IGSF10: variants seen among roughly 807,000 people sequenced by gnomAD.
The protein encoded by IGSF10 is calvaria mechanical force protein 608.
Under a neutral mutation model 128.2 loss-of-function variants are expected in IGSF10, and 126 were observed. The observed-to-expected ratio is 0.98, with a 90% confidence interval of 0.85 to 1.14. IGSF10 has a LOEUF of 1.14. IGSF10 is among the 50% of genes most tolerant of loss of function. The pLI, the probability that IGSF10 is intolerant of heterozygous loss-of-function variation, is 0.00. For missense variants in IGSF10, 3,295 were observed against 3,149.8 expected (o/e 1.05, Z -1.10); for synonymous variants, 1,185 against 1,146.2 (o/e 1.03, Z -0.68).
the IGSF10 span, among the ~76,000 whole-genome samples, chr3:151,526,195 T>C: frequency 5.9e-5 from 9 of 152,214 alleles, no homozygotes; most frequent in African/African-American, 1.7e-4. Context: ...AGTGAAGGTT[T>C]AGAAGAGGAA....
the IGSF10 span, among the ~76,000 whole-genome samples, chr3:151,614,588 G>A: frequency 0.32 from 49,139 of 151,428 alleles, 8,508 homozygotes; most frequent in East Asian, 0.64. Flanking sequence ...ACCAAACACC[G>A]CATGCTGTCA....
At chr3:151,519,626 G>T in the IGSF10 span, among the ~76,000 whole-genome samples, 1 of 151,802 alleles carries the variant, frequency 6.6e-6, no homozygotes, top group Non-Finnish European at 1.5e-5. Flanking sequence ...GCTGCCTGCA[G>T]AATGATAACT....
At chr3:151,562,740 C>T in the IGSF10 span, among the ~76,000 whole-genome samples, 1 of 152,034 alleles carries the variant, frequency 6.6e-6, no homozygotes. Context: ...TGGTGCCAGA[C>T]CCCTATTGAC....
the IGSF10 span, among the ~76,000 whole-genome samples, chr3:151,481,613 G>A: frequency 1.3e-5 from 2 of 152,114 alleles, no homozygotes; most frequent in Non-Finnish European, 2.9e-5. Flanking sequence ...GCATTCACTT[G>A]TGCCTCAGAA....
the IGSF10 span, among the ~76,000 whole-genome samples, chr3:151,609,242 G>A: frequency 6.6e-6 from 1 of 152,112 alleles, no homozygotes; most frequent in Admixed American, 6.5e-5. Flanking sequence ...CAGGAAGGAG[G>A]TCAGCATATC....
chr3:151,462,232 G>T (rs1286953509), upstream of IGSF10, among the ~76,000 whole-genome samples: 1 of 152,140 alleles, frequency 6.6e-6, no homozygotes, highest in Non-Finnish European at 1.5e-5. Context: ...AATTTGCAAT[G>T]AATGTTTTAG....
In IGSF10 at chr3:151,443,042, G is replaced by A. The variant is rs1227027161; in HGVS notation, c.5905C>T (p.Pro1969Ser). The change falls in exon 7 of 8, where the codon CCC becomes TCC. Residue 1969 changes from proline to serine, a missense_variant. Pro to Ser is a moderately conservative substitution (Grantham distance 74, BLOSUM62 -1). Coordinates refer to ENST00000282466, the MANE Select transcript of IGSF10 (RefSeq NM_178822.5). ...AACCTCCACATTATTTGGGGTTTGG[G>A]CTCCCCAGTGGCTGAGCAGTTCAGT... ...LLLNCSATGEPKPQIMWRLPS... is the reference protein window; with the variant it reads ...LLLNCSATGESKPQIMWRLPS... 6.2e-7 allele frequency: 1 copy of A among 1,614,066 alleles called. No individual in the cohort carries two copies. Among genetic ancestry groups the A allele is most frequent in the Admixed American group, 1.7e-5 (1 of 60,012 alleles).
chr3:151,438,861 T>G (rs908424969), intron 7 of IGSF10, among the ~76,000 whole-genome samples: 22 of 108,252 alleles, frequency 2.0e-4, no homozygotes, highest in Non-Finnish European at 4.7e-4. Flanking sequence ...GGTATATATA[T>G]ATATAGAGAG....
At chr3:151,544,069 C>T in the IGSF10 span, among the ~76,000 whole-genome samples, 1 of 152,212 alleles carries the variant, frequency 6.6e-6, no homozygotes, top group Non-Finnish European at 1.5e-5. Context: ...GCCACCACGC[C>T]TGGCTAATTT....
downstream of IGSF10, chr3:151,432,922 T>A: frequency 1.4e-6 from 1 of 719,174 alleles, no homozygotes; most frequent in South Asian, 2.2e-5. Flanking sequence ...CATTTTACTA[T>A]ATTTTATGCT....
upstream of IGSF10, chr3:151,461,446 T>A: frequency 1.0e-6 from 1 of 982,952 alleles, no homozygotes; most frequent in Non-Finnish European, 1.2e-6. Flanking sequence ...GTCAATGTTT[T>A]ATTTAAACCC....
chr3:151,481,144 G>T, the IGSF10 span, among the ~76,000 whole-genome samples: 1 of 152,144 alleles, frequency 6.6e-6, no homozygotes, highest in Non-Finnish European at 1.5e-5. Flanking sequence ...TCACGTAGCT[G>T]CACTTTCTGG....
downstream of IGSF10, chr3:151,434,956 G>C (rs553400887): frequency 6.6e-5 from 10 of 151,706 alleles, no homozygotes; most frequent in Admixed American, 3.9e-4. Flanking sequence ...CGATTCTATT[G>C]AAAGTTGAGG....
the IGSF10 span, among the ~76,000 whole-genome samples, chr3:151,490,718 AG>A: frequency 2.6e-5 from 4 of 152,182 alleles, no homozygotes; most frequent in Non-Finnish European, 5.9e-5. Flanking sequence ...ATAAATAACA[AG>A]AAGAATCTTG....
the IGSF10 span, among the ~76,000 whole-genome samples, chr3:151,576,514 A>G: frequency 6.6e-6 from 1 of 152,162 alleles, no homozygotes; most frequent in South Asian, 2.1e-4. Flanking sequence ...ATTTAATCAA[A>G]CAGACAATTC....
the IGSF10 span, among the ~76,000 whole-genome samples, chr3:151,558,020 T>TATATATTATATATA: frequency 3.9e-4 from 13 of 33,182 alleles, no homozygotes; most frequent in Non-Finnish European, 6.1e-4. Flanking sequence ...ATATATATAA[T>TATATATTATATATA]ATATATATTG....
intron 7 of IGSF10, among the ~76,000 whole-genome samples, chr3:151,441,248 A>T (rs919406522): frequency 6.6e-5 from 10 of 152,218 alleles, no homozygotes; most frequent in Non-Finnish European, 1.3e-4. Context: ...TTATAAACTA[A>T]TATTTTTGAG....
At chr3:151,599,118 G>A in the IGSF10 span, among the ~76,000 whole-genome samples, 1 of 152,164 alleles carries the variant, frequency 6.6e-6, no homozygotes, top group Non-Finnish European at 1.5e-5. Context: ...CAGTTTGCTG[G>A]CTGGCTGGGA....
At position 151,445,456 on chromosome 3, in the gene IGSF10, A is replaced by G. The variant is rs749003540; in HGVS notation, c.4525T>C (p.Ser1509Pro). Residue 1509 changes from serine to proline, a missense_variant, in exon 6 of 8, where the codon TCA (serine) becomes CCA (proline). By Grantham distance (74) the Ser-to-Pro change is moderately conservative (BLOSUM62 -1). Coordinates refer to ENST00000282466, the MANE Select transcript of IGSF10 (RefSeq NM_178822.5). ...TGCTGTGGTTTAGCATTGTGCCTTG[A>G]GGATTCGTGCAGCTTGACCACTGTA... is the stretch of plus-strand genomic sequence containing the variant. ...TNTVVKLHESSRHNAKPQQLV... is the reference protein window; with the variant it reads ...TNTVVKLHESPRHNAKPQQLV... The G allele has an allele frequency of 2.5e-6, 4 of 1,614,068 alleles. No homozygotes were observed. In the Admixed American group the frequency reaches 6.7e-5, roughly 27 times the overall value.
Sources: allele counts gnomAD v4.1 joint callset (sites outside exome capture counted in the v4.1 genomes callset), GRCh38; gene constraint gnomAD v4.1.1; transcripts MANE v1.5; gene names NCBI Gene and HGNC (gene_info 2026-07-23, HGNC 2026-07-21).